SPOCK3: variants seen among roughly 807,000 people sequenced by gnomAD.
The protein encoded by SPOCK3 is testican-3.
Under a neutral mutation model 56.6 loss-of-function variants are expected in SPOCK3, and 30 were observed. The ratio of observed to expected loss-of-function variants is 0.53; its 90% CI spans 0.40 to 0.72. The LOEUF is 0.72. Ranked by LOEUF, SPOCK3 falls within the 30% of genes least tolerant of loss-of-function variation. The pLI is 0.00. For synonymous variants in SPOCK3, 196 were observed against 183.3 expected (o/e 1.07, Z -0.56); for missense variants, 527 against 530.0 (o/e 0.99, Z 0.06).
intron 2 of SPOCK3, among the ~76,000 whole-genome samples, chr4:167,119,048 T>A (rs1356047619): frequency 2.7e-5 from 4 of 149,506 alleles, no homozygotes; most frequent in Non-Finnish European, 5.9e-5. Flanking sequence ...AAGTTCATCA[T>A]GTTCCCAAGT....
chr4:167,169,266 A>C (rs977830757), intron 2 of SPOCK3, among the ~76,000 whole-genome samples: 1 of 152,138 alleles, frequency 6.6e-6, no homozygotes, highest in Non-Finnish European at 1.5e-5. Context: ...ACAGCTTGCA[A>C]TGTGTGCTTG....
rs139053125 is a variant in SPOCK3 at position 166,858,245 on chromosome 4, T to C, written c.589+30885A>G. ...GGTATAAATAATTCTACTGAGAATTTGGAAGGCTCCCTATTTTCCCAAACT... is the reference window on the plus strand; with the variant it reads ...GGTATAAATAATTCTACTGAGAATTCGGAAGGCTCCCTATTTTCCCAAACT... On this transcript the variant is annotated intron_variant, in intron 6 of 10. Transcript: ENST00000357545. Among the ~76,000 whole-genome samples the C allele has an allele frequency of 3.3e-3, 496 of 152,300 alleles. 1 individual carries two copies. The highest frequency in any genetic ancestry group is 0.011 in the African/African-American group (474 of 41,574).
intron 6 of SPOCK3, among the ~76,000 whole-genome samples, chr4:166,876,142 T>C (rs1157380621): frequency 6.6e-6 from 1 of 152,102 alleles, no homozygotes; most frequent in Non-Finnish European, 1.5e-5. Flanking sequence ...ACAAATCTCC[T>C]CAGAGAAGTG....
At position 167,044,622 on chromosome 4, in the gene SPOCK3, T is replaced by C. The variant is rs539440337; in HGVS notation, c.235+17870A>G. Reference sequence around the variant, plus strand: ...AATTTTGATAATTTGTTTTCACTTTTATTTAATTCAAAATATTTTAAAATT... The same window carrying C: ...AATTTTGATAATTTGTTTTCACTTTCATTTAATTCAAAATATTTTAAAATT... On this transcript the variant is annotated intron_variant, in intron 3 of 10. Transcript: ENST00000357545. Among the ~76,000 whole-genome samples, 6 of 152,244 alleles carry C rather than the reference T, an allele frequency of 3.9e-5. No homozygotes were observed. The Middle Eastern group carries it at 0.01, about 259-fold the overall frequency.
chr4:167,020,036 A>ATTG (rs1751019240), intron 3 of SPOCK3, among the ~76,000 whole-genome samples: 1 of 152,098 alleles, frequency 6.6e-6, no homozygotes, highest in Admixed American at 6.6e-5. Flanking sequence ...TGGATGTTAC[A>ATTG]GAAGTGAAAC....
intron 3 of SPOCK3, among the ~76,000 whole-genome samples, chr4:167,009,074 G>T (rs1186299692): frequency 6.6e-6 from 1 of 151,988 alleles, no homozygotes; most frequent in Non-Finnish European, 1.5e-5. Context: ...TAACTAATAT[G>T]CTTCATATCA....
intron 4 of SPOCK3, among the ~76,000 whole-genome samples, chr4:166,936,770 C>G (rs1740451866): frequency 2.0e-5 from 3 of 151,890 alleles, no homozygotes. Flanking sequence ...GATTCTTATT[C>G]TACTGTCTTG....
chr4:167,125,215 ATTTATTTATTTATT>A (rs1762170293), intron 2 of SPOCK3, among the ~76,000 whole-genome samples: 1 of 147,680 alleles, frequency 6.8e-6, no homozygotes, highest in African/African-American at 2.5e-5. Context: ...TTATTTATTT[ATTTATTTATTTATT>A]TTTATTTATT....
intron 2 of SPOCK3, among the ~76,000 whole-genome samples, chr4:167,215,811 C>G (rs1398700910): frequency 6.6e-6 from 1 of 152,096 alleles, no homozygotes; most frequent in Non-Finnish European, 1.5e-5. Flanking sequence ...GCAGTATTAC[C>G]TTGATGAATT....
At chr4:166,956,253 A>C (rs560948565) in intron 4 of SPOCK3, among the ~76,000 whole-genome samples, 40 of 148,752 alleles carry the variant, frequency 2.7e-4, no homozygotes, top group Middle Eastern at 3.5e-3. Flanking sequence ...CTTTTCCTAT[A>C]GATCCATATA....
At chr4:166,779,719 T>C (rs1050043555) in intron 7 of SPOCK3, among the ~76,000 whole-genome samples, 3 of 152,248 alleles carry the variant, frequency 2.0e-5, no homozygotes, top group Admixed American at 2.0e-4. Flanking sequence ...GAAGAAATAA[T>C]GGCAGAAAAT....
At chr4:167,116,492 GTA>G (rs35875743) in intron 2 of SPOCK3, among the ~76,000 whole-genome samples, 130,934 of 131,610 alleles carry the variant, frequency 0.99, 65,131 homozygotes, top group Middle Eastern at 1. Context: ...ATACTTTTGT[GTA>G]TATATATATA....
chr4:167,108,647 C>T (rs1760399359), intron 2 of SPOCK3, among the ~76,000 whole-genome samples: 1 of 151,374 alleles, frequency 6.6e-6, no homozygotes, highest in Admixed American at 6.6e-5. Context: ...AGGATGGTTA[C>T]TAGATGCTGG....
chr4:166,896,933 G>T (rs951298737), intron 5 of SPOCK3, among the ~76,000 whole-genome samples: 19 of 151,926 alleles, frequency 1.3e-4, no homozygotes, highest in African/African-American at 4.1e-4. Flanking sequence ...CCAACTGGGG[G>T]GCCCCTCTGA....
At chr4:166,804,244 G>T (rs1377573455) in intron 6 of SPOCK3, among the ~76,000 whole-genome samples, 3 of 152,148 alleles carry the variant, frequency 2.0e-5, no homozygotes, top group Non-Finnish European at 4.4e-5. Context: ...TCTTCTTACA[G>T]TCCTGGAGGG....
chr4:166,917,032 G>A (rs1000394811), intron 4 of SPOCK3, among the ~76,000 whole-genome samples: 2 of 152,090 alleles, frequency 1.3e-5, no homozygotes, highest in African/African-American at 4.8e-5. Context: ...GTCTCAAGTA[G>A]CAAATGAAAG....
intron 3 of SPOCK3, among the ~76,000 whole-genome samples, chr4:167,026,162 G>C (rs188198238): frequency 9.9e-4 from 151 of 152,140 alleles, no homozygotes; most frequent in African/African-American, 3.5e-3. Flanking sequence ...GTATGTGACT[G>C]TAAATCAATT....
At chr4:166,996,612 A>C (rs1748410395) in intron 4 of SPOCK3, among the ~76,000 whole-genome samples, 1 of 152,158 alleles carries the variant, frequency 6.6e-6, no homozygotes, top group South Asian at 2.1e-4. Context: ...TATTCATACT[A>C]CTATTTTCTT....
intron 2 of SPOCK3, among the ~76,000 whole-genome samples, chr4:167,177,331 C>A (rs1430160270): frequency 6.6e-6 from 1 of 151,884 alleles, no homozygotes; most frequent in East Asian, 1.9e-4. Flanking sequence ...GAGCACTTTC[C>A]ACACACTAAT....
Sources: gnomAD v4.1 joint callset for allele counts (sites outside exome capture counted in the v4.1 genomes callset) on GRCh38, gnomAD v4.1.1 for gene constraint, MANE v1.5 for transcripts, NCBI Gene and HGNC (gene_info 2026-07-23, HGNC 2026-07-21) for gene names.